PTPRM: variants seen among roughly 807,000 people sequenced by gnomAD.
The protein encoded by PTPRM is protein tyrosine phosphatase receptor type M, also known as receptor-type tyrosine-protein phosphatase mu.
Under a neutral mutation model 186.7 loss-of-function variants are expected in PTPRM, and 47 were observed. The ratio of observed to expected loss-of-function variants is 0.25; its 90% confidence interval spans 0.20 to 0.32. PTPRM has a LOEUF of 0.32. Ranked by LOEUF, PTPRM falls within the 10% of genes least tolerant of loss-of-function variation. The pLI, the probability that PTPRM is intolerant of heterozygous loss-of-function variation, is 1.00. For synonymous variants in PTPRM, 668 were observed against 674.9 expected (o/e 0.99, Z 0.16); for missense variants, 1,494 against 1,865.0 (o/e 0.80, Z 3.66).
rs561902438 is a variant in PTPRM at position 8,085,145 on chromosome 18, C to T, written c.1552-526C>T. On this transcript the variant is annotated intron_variant, in intron 9 of 32. Transcript: ENST00000580170. Reference sequence around the variant, plus strand: ...AGAAATTAATATGACCCATAATGATCACTCTATTTGTAGCATCAGGAATGA... The same window carrying T: ...AGAAATTAATATGACCCATAATGATTACTCTATTTGTAGCATCAGGAATGA... Among the ~76,000 whole-genome samples the T allele has an allele frequency of 1.2e-3, 175 of 152,060 alleles. 1 individual carries two copies. Among genetic ancestry groups the T allele is most frequent in the African/African-American group, 4.1e-3 (172 of 41,490 alleles).
intron 1 of PTPRM, among the ~76,000 whole-genome samples, chr18:7,655,249 A>T (rs892911057): frequency 6.6e-6 from 1 of 152,010 alleles, no homozygotes. Context: ...TAGAGATGGG[A>T]TCTCACCAAG....
At chr18:7,631,880 A>C (rs763388345) in intron 1 of PTPRM, among the ~76,000 whole-genome samples, 1 of 152,232 alleles carries the variant, frequency 6.6e-6, no homozygotes, top group East Asian at 1.9e-4. Context: ...AAGGATAATA[A>C]TGCATAGTTA....
At chr18:8,288,258 G>A (rs530872301) in intron 19 of PTPRM, among the ~76,000 whole-genome samples, 1 of 152,130 alleles carries the variant, frequency 6.6e-6, no homozygotes, top group Non-Finnish European at 1.5e-5. Flanking sequence ...GCCCCTGAAG[G>A]GGGGTGCCAA....
chr18:8,406,180 CA>C lies in PTPRM; in HGVS notation c.*21del. 2.5e-6 allele frequency: 4 copies of C among 1,610,324 alleles called. No individual in the cohort carries two copies. The highest frequency in any genetic ancestry group is 3.4e-6 in the Non-Finnish European group (4 of 1,176,886). ...CTGGCTGATGGTGTAAACAGCTCTG[CA>C]AACAATCCCTTTCATACCACAAAGC... On this transcript the variant is annotated 3_prime_UTR_variant, in exon 33 of 33. Transcript: ENST00000580170.
intron 2 of PTPRM, among the ~76,000 whole-genome samples, chr18:7,821,058 A>G (rs2045163884): frequency 1.3e-5 from 2 of 152,108 alleles, no homozygotes; most frequent in African/African-American, 4.8e-5. Flanking sequence ...TGTAACCTGA[A>G]TTCAAATCCC....
chr18:8,268,203 A>G (rs944441128), intron 19 of PTPRM, among the ~76,000 whole-genome samples: 1 of 152,142 alleles, frequency 6.6e-6, no homozygotes, highest in African/African-American at 2.4e-5. Context: ...GGCTGTTCCT[A>G]TCCATTAATA....
At chr18:7,679,934 C>T (rs2039442253) in intron 1 of PTPRM, among the ~76,000 whole-genome samples, 1 of 152,106 alleles carries the variant, frequency 6.6e-6, no homozygotes, top group African/African-American at 2.4e-5. Flanking sequence ...GGCATGATCA[C>T]AGCTCACCAC....
intron 11 of PTPRM, among the ~76,000 whole-genome samples, chr18:8,100,840 C>T (rs1397740677): frequency 2.0e-5 from 3 of 152,154 alleles, no homozygotes; most frequent in African/African-American, 4.8e-5. Flanking sequence ...TCTTTATGCC[C>T]ATTATACTCC....
chr18:7,977,257 T>A (rs1263420452), intron 7 of PTPRM, among the ~76,000 whole-genome samples: 1 of 152,084 alleles, frequency 6.6e-6, no homozygotes, highest in African/African-American at 2.4e-5. Flanking sequence ...GCCCAGCTAA[T>A]TTTTGTATTT....
chr18:7,672,337 G>T (rs776828767), intron 1 of PTPRM, among the ~76,000 whole-genome samples: 1 of 151,972 alleles, frequency 6.6e-6, no homozygotes, highest in Non-Finnish European at 1.5e-5. Context: ...AGATTTTTGG[G>T]ATACTTAGTA....
At chr18:8,143,842 T>G in intron 14 of PTPRM, 63 bp downstream of exon 14, 1 of 1,580,860 alleles carries the variant, frequency 6.3e-7, no homozygotes, top group Non-Finnish European at 8.7e-7. Flanking sequence ...ATGTTTTGTG[T>G]GTGTGAAAAT....
chr18:8,319,524 T>A (rs944696795), intron 22 of PTPRM, among the ~76,000 whole-genome samples: 1 of 152,228 alleles, frequency 6.6e-6, no homozygotes, highest in Middle Eastern at 3.2e-3. Context: ...ATACACCAGC[T>A]GCTCTCTACA....
chr18:8,112,621 G>C (rs2091805154), intron 11 of PTPRM, among the ~76,000 whole-genome samples: 1 of 152,162 alleles, frequency 6.6e-6, no homozygotes, highest in South Asian at 2.1e-4. Flanking sequence ...CAACAAAACT[G>C]CAAACAACAT....
intron 32 of PTPRM, chr18:8,404,431 GT>G (rs2095890836): frequency 6.6e-6 from 1 of 152,200 alleles, no homozygotes; most frequent in Non-Finnish European, 1.5e-5. Context: ...TTGTCATCAT[GT>G]GTACATGTAG....
chr18:8,380,185 TA>T (rs1476416667), intron 28 of PTPRM, 110 bp from the exon 29 acceptor site: 1 of 1,196,138 alleles, frequency 8.4e-7, no homozygotes, highest in African/African-American at 1.5e-5. Flanking sequence ...CAACAGCTGT[TA>T]AACATGTTCA....
intron 5 of PTPRM, among the ~76,000 whole-genome samples, chr18:7,943,970 A>T (rs2052358071): frequency 6.6e-6 from 1 of 152,214 alleles, no homozygotes; most frequent in Admixed American, 6.5e-5. Context: ...TACCACAGTC[A>T]TGATGAGTTG....
chr18:7,958,015 T>C (rs1342664394), intron 7 of PTPRM, among the ~76,000 whole-genome samples: 3 of 152,048 alleles, frequency 2.0e-5, no homozygotes, highest in African/African-American at 7.2e-5. Context: ...TGATAAGTAA[T>C]AGGAATAAAT....
intron 2 of PTPRM, among the ~76,000 whole-genome samples, chr18:7,829,732 A>G (rs953820521): frequency 6.6e-6 from 1 of 152,178 alleles, no homozygotes; most frequent in African/African-American, 2.4e-5. Flanking sequence ...GGTACTTCCA[A>G]AACATTTCTA....
At chr18:7,606,855 T>C (rs2037542202) in intron 1 of PTPRM, among the ~76,000 whole-genome samples, 1 of 152,214 alleles carries the variant, frequency 6.6e-6, no homozygotes, top group Non-Finnish European at 1.5e-5. Context: ...GCTCCGTTGT[T>C]ACTTTCAGGT....
Sources: allele counts gnomAD v4.1 joint callset (sites outside exome capture counted in the v4.1 genomes callset), GRCh38; gene constraint gnomAD v4.1.1; transcripts MANE v1.5; gene names NCBI Gene and HGNC (gene_info 2026-07-23, HGNC 2026-07-21).